DLG2: variants seen among roughly 807,000 people sequenced by gnomAD.
DLG2 encodes disks large homolog 2.
In DLG2, 45 loss-of-function variants were observed where a neutral mutation model predicts 132.5. That is an observed-to-expected ratio of 0.34 (90% CI 0.27 to 0.44). The LOEUF is 0.44. DLG2 is among the 20% of genes least tolerant of loss of function. The pLI, the probability that DLG2 is intolerant of heterozygous loss-of-function variation, is 1.00. For missense variants in DLG2, 1,045 were observed against 1,196.9 expected (o/e 0.87, Z 1.87); for synonymous variants, 424 against 419.6 (o/e 1.01, Z -0.13).
intron 7 of DLG2, among the ~76,000 whole-genome samples, chr11:84,460,199 G>C (rs754612903): frequency 4.6e-5 from 7 of 150,630 alleles, no homozygotes; most frequent in Non-Finnish European, 9.0e-5. Flanking sequence ...CTTCCAGGGA[G>C]TAAACTCTAT....
chr11:84,367,671 G>A (rs1004108823), intron 7 of DLG2, among the ~76,000 whole-genome samples: 2 of 152,064 alleles, frequency 1.3e-5, no homozygotes, highest in African/African-American at 2.4e-5. Flanking sequence ...TGTTAAAAAA[G>A]TGAGTTTGGC....
chr11:84,739,604 T>C (rs1331292287), intron 6 of DLG2, among the ~76,000 whole-genome samples: 1 of 152,108 alleles, frequency 6.6e-6, no homozygotes, highest in Non-Finnish European at 1.5e-5. Context: ...GAGTTTAAAA[T>C]TGAGAAATAT....
At chr11:85,389,220 G>A (rs1218876726) in intron 3 of DLG2, among the ~76,000 whole-genome samples, 1 of 152,066 alleles carries the variant, frequency 6.6e-6, no homozygotes, top group Non-Finnish European at 1.5e-5. Context: ...GCACTAAAAA[G>A]TCTCAGCAAT....
intron 11 of DLG2, among the ~76,000 whole-genome samples, chr11:84,058,197 G>A (rs974411166): frequency 6.6e-6 from 1 of 151,992 alleles, no homozygotes; most frequent in African/African-American, 2.4e-5. Context: ...TTAAAGAAAT[G>A]AGAAATGATT....
At chr11:83,820,603 A>G (rs1516622) in intron 17 of DLG2, among the ~76,000 whole-genome samples, 109,201 of 151,982 alleles carry the variant, frequency 0.72, 40,234 homozygotes, top group Middle Eastern at 0.88. Context: ...CAGGGCAAGA[A>G]AATGGATGTT....
At chr11:85,188,991 G>C in intron 4 of DLG2, among the ~76,000 whole-genome samples, 1 of 151,782 alleles carries the variant, frequency 6.6e-6, no homozygotes, top group East Asian at 1.9e-4. Flanking sequence ...CCATGAAACT[G>C]AACAAAACCA....
intron 3 of DLG2, among the ~76,000 whole-genome samples, chr11:85,335,113 G>C (rs758123023): frequency 6.6e-6 from 1 of 152,090 alleles, no homozygotes; most frequent in Non-Finnish European, 1.5e-5. Flanking sequence ...AGTGTTGGGT[G>C]CATATATATT....
intron 18 of DLG2, among the ~76,000 whole-genome samples, chr11:83,732,395 C>T (rs2091181850): frequency 6.6e-6 from 1 of 152,138 alleles, no homozygotes; most frequent in African/African-American, 2.4e-5. Flanking sequence ...TTAATACCTA[C>T]CAAGGTAGCT....
chr11:85,015,547 C>T (rs1209686369), intron 6 of DLG2, among the ~76,000 whole-genome samples: 1 of 151,982 alleles, frequency 6.6e-6, no homozygotes, highest in Admixed American at 6.6e-5. Flanking sequence ...TTAATTACTT[C>T]ACCTTAAAAT....
chr11:83,570,947 A>G (rs1385187450), intron 19 of DLG2, among the ~76,000 whole-genome samples: 1 of 152,114 alleles, frequency 6.6e-6, no homozygotes, highest in African/African-American at 2.4e-5. Flanking sequence ...CAGTGGCCCA[A>G]TCTCAGCTCA....
At chr11:83,461,081 T>C (rs1436885864) in intron 27 of DLG2, among the ~76,000 whole-genome samples, 2 of 145,766 alleles carry the variant, frequency 1.4e-5, no homozygotes, top group African/African-American at 5.1e-5. Flanking sequence ...CGATCTCGGC[T>C]CACTGCGACC....
chr11:84,901,651 T>A (rs527597569), intron 6 of DLG2, among the ~76,000 whole-genome samples: 1 of 152,158 alleles, frequency 6.6e-6, no homozygotes, highest in Non-Finnish European at 1.5e-5. Context: ...TACTCCCTTA[T>A]ATTAATAATG....
At chr11:84,124,511 T>C (rs917054925) in intron 9 of DLG2, among the ~76,000 whole-genome samples, 1 of 152,220 alleles carries the variant, frequency 6.6e-6, no homozygotes, top group Non-Finnish European at 1.5e-5. Context: ...TAATTTGTAT[T>C]CATCTCTGGA....
chr11:84,442,436 C>G (rs1313336386), intron 7 of DLG2, among the ~76,000 whole-genome samples: 1 of 151,940 alleles, frequency 6.6e-6, no homozygotes, highest in Non-Finnish European at 1.5e-5. Context: ...GAACAGAAAA[C>G]CAAATACCAC....
At chr11:83,932,144 C>T (rs58854900) in intron 14 of DLG2, among the ~76,000 whole-genome samples, 2,936 of 144,516 alleles carry the variant, frequency 0.02, 64 homozygotes, top group East Asian at 0.078. Context: ...TCTTGCAATA[C>T]TGACAAGGTT....
intron 15 of DLG2, among the ~76,000 whole-genome samples, chr11:83,927,337 C>T (rs947421191): frequency 6.6e-6 from 1 of 152,070 alleles, no homozygotes; most frequent in South Asian, 2.1e-4. Context: ...TTATAAATTG[C>T]TTGAGTCTTA....
chr11:85,125,806 TACACACACACACAC>T (rs71465021), intron 5 of DLG2, among the ~76,000 whole-genome samples: 111 of 148,630 alleles, frequency 7.5e-4, no homozygotes, highest in African/African-American at 2.5e-3. Flanking sequence ...CCAGACATTA[TACACACACACACAC>T]ACACACACAC....
At chr11:83,919,444 C>G (rs916907275) in intron 15 of DLG2, among the ~76,000 whole-genome samples, 1 of 152,104 alleles carries the variant, frequency 6.6e-6, no homozygotes, top group Non-Finnish European at 1.5e-5. Context: ...CAGGCTGGAT[C>G]CAAAATAAAT....
At chr11:85,093,771 G>A (rs2069244234) in intron 6 of DLG2, among the ~76,000 whole-genome samples, 2 of 152,172 alleles carry the variant, frequency 1.3e-5, no homozygotes, top group Admixed American at 6.5e-5. Flanking sequence ...TGACTTGTGG[G>A]AATTATGGTA....
Sources: gnomAD v4.1 joint callset for allele counts (sites outside exome capture counted in the v4.1 genomes callset) on GRCh38, gnomAD v4.1.1 for gene constraint, MANE v1.5 for transcripts, NCBI Gene and HGNC (gene_info 2026-07-23, HGNC 2026-07-21) for gene names.